The following TMEM108 variants were observed in gnomAD, a reference collection of about 807,000 sequenced individuals.
TMEM108 encodes the protein transmembrane protein 108, also known as cancer/testis antigen 124.
A neutral mutation model predicts 35.1 loss-of-function variants in TMEM108; 12 were observed. That is an observed-to-expected ratio of 0.34 (90% CI 0.22 to 0.55). The LOEUF (loss-of-function observed/expected upper bound fraction) is 0.55. Among genes scored for constraint, TMEM108 ranks in the 20% least tolerant of loss-of-function variants. The pLI, the probability that TMEM108 is intolerant of heterozygous loss-of-function variation, is 0.89. For synonymous variants in TMEM108, 287 were observed against 308.6 expected, an observed-to-expected ratio of 0.93 and a Z score of 0.73; for missense variants, 680 against 753.3, an observed-to-expected ratio of 0.90 and a Z score of 1.14.
At chr3:133,273,812 A>T (rs999036473) in intron 3 of TMEM108, among the ~76,000 whole-genome samples, 2 of 152,164 alleles carry the variant, frequency 1.3e-5, no homozygotes, top group African/African-American at 4.8e-5. Context: ...TGTTGAAGAG[A>T]ATAGAGGAGA....
chr3:133,199,230 G>C (rs138354938), intron 2 of TMEM108, among the ~76,000 whole-genome samples: 2,284 of 152,210 alleles, frequency 0.015, 76 homozygotes, highest in African/African-American at 0.051. Context: ...CAATGGGTTC[G>C]AACTTCCTCC....
At chr3:133,289,793 A>C (rs1947037006) in intron 3 of TMEM108, among the ~76,000 whole-genome samples, 2 of 152,170 alleles carry the variant, frequency 1.3e-5, no homozygotes, top group African/African-American at 4.8e-5. Flanking sequence ...TTTTGGACCT[A>C]ACCAAGGGCC....
intron 2 of TMEM108, among the ~76,000 whole-genome samples, chr3:133,177,520 A>G (rs1176259126): frequency 1.3e-5 from 2 of 152,224 alleles, no homozygotes; most frequent in African/African-American, 4.8e-5. Context: ...ACATACACAA[A>G]TCAATAAACA....
chr3:133,313,855 A>AC (rs1559901670), intron 3 of TMEM108, among the ~76,000 whole-genome samples: 1 of 152,084 alleles, frequency 6.6e-6, no homozygotes. Context: ...AGTAATTGCT[A>AC]ACCCCTGTGA....
chr3:133,047,288 C>G (rs561782865), intron 2 of TMEM108, among the ~76,000 whole-genome samples: 13 of 152,216 alleles, frequency 8.5e-5, no homozygotes, highest in African/African-American at 3.1e-4. Context: ...CCTCTATATC[C>G]TGTATATCCT....
chr3:133,235,162 A>C (rs950593651), intron 3 of TMEM108, among the ~76,000 whole-genome samples: 1 of 152,218 alleles, frequency 6.6e-6, no homozygotes, highest in African/African-American at 2.4e-5. Context: ...AATGTCGTGA[A>C]AATGGCCATA....
At chr3:133,253,833 G>T (rs1946506231) in intron 3 of TMEM108, among the ~76,000 whole-genome samples, 1 of 152,136 alleles carries the variant, frequency 6.6e-6, no homozygotes, top group Admixed American at 6.5e-5. Context: ...TGGGCATATT[G>T]CACTGTTGTA....
intron 2 of TMEM108, among the ~76,000 whole-genome samples, chr3:133,171,386 T>G (rs1292197202): frequency 6.6e-6 from 1 of 152,216 alleles, no homozygotes; most frequent in Non-Finnish European, 1.5e-5. Flanking sequence ...AATATGCATG[T>G]GTCTTTAAGA....
At chr3:133,108,395 T>C (rs888203528) in intron 2 of TMEM108, among the ~76,000 whole-genome samples, 3 of 152,182 alleles carry the variant, frequency 2.0e-5, no homozygotes, top group African/African-American at 4.8e-5. Flanking sequence ...TTTCATGTGT[T>C]TTTTGGCTGC....
intron 2 of TMEM108, among the ~76,000 whole-genome samples, chr3:133,204,011 G>T (rs879932557): frequency 2.0e-5 from 3 of 152,004 alleles, no homozygotes; most frequent in East Asian, 1.9e-4. Context: ...TTTCTTCCTG[G>T]TTTAGTTTTG....
At chr3:133,287,670 T>A (rs1389975445) in intron 3 of TMEM108, among the ~76,000 whole-genome samples, 1 of 152,194 alleles carries the variant, frequency 6.6e-6, no homozygotes, top group Non-Finnish European at 1.5e-5. Flanking sequence ...TTCTAAGATA[T>A]ACTTATCACC....
intron 3 of TMEM108, among the ~76,000 whole-genome samples, chr3:133,291,064 C>G (rs1947061526): frequency 6.6e-6 from 1 of 152,082 alleles, no homozygotes; most frequent in Non-Finnish European, 1.5e-5. Context: ...AAGATGGGAG[C>G]AAAGGGCCAT....
At chr3:133,135,103 CA>C (rs1180115867) in intron 2 of TMEM108, among the ~76,000 whole-genome samples, 1 of 151,560 alleles carries the variant, frequency 6.6e-6, no homozygotes, top group Non-Finnish European at 1.5e-5. Flanking sequence ...ATCTGTTTAT[CA>C]ATATCTTCTC....
chr3:133,262,550 T>C (rs1251895202), intron 3 of TMEM108, among the ~76,000 whole-genome samples: 1 of 152,246 alleles, frequency 6.6e-6, no homozygotes, highest in Non-Finnish European at 1.5e-5. Context: ...AGTGAGCTTT[T>C]ATCTTCACTG....
intron 2 of TMEM108, among the ~76,000 whole-genome samples, chr3:133,079,352 G>A (rs1447921262): frequency 1.3e-5 from 2 of 152,148 alleles, no homozygotes; most frequent in Non-Finnish European, 2.9e-5. Context: ...TTTTGCAGGT[G>A]CCTTAGTCCG....
intron 2 of TMEM108, among the ~76,000 whole-genome samples, chr3:133,218,161 T>A (rs1945936586): frequency 6.6e-6 from 1 of 151,978 alleles, no homozygotes; most frequent in South Asian, 2.1e-4. Context: ...TAAGTATTTT[T>A]TTATAACTAT....
intron 3 of TMEM108, among the ~76,000 whole-genome samples, chr3:133,371,209 A>G (rs763589330): frequency 2.6e-5 from 4 of 151,668 alleles, no homozygotes; most frequent in Non-Finnish European, 5.9e-5. Context: ...GCTGCTGCCT[A>G]ACAAACCACT....
chr3:133,039,722 C>A (rs190473942), intron 1 of TMEM108, among the ~76,000 whole-genome samples: 1 of 152,306 alleles, frequency 6.6e-6, no homozygotes, highest in East Asian at 1.9e-4. Context: ...GTGTTCTGGA[C>A]TTTCCACGTA....
At chr3:133,272,908 T>C (rs1946792883) in intron 3 of TMEM108, among the ~76,000 whole-genome samples, 1 of 152,128 alleles carries the variant, frequency 6.6e-6, no homozygotes, top group African/African-American at 2.4e-5. Flanking sequence ...GCTTAACATA[T>C]ATTGAGTGGA....
Sources: allele counts gnomAD v4.1 joint callset (sites outside exome capture counted in the v4.1 genomes callset), GRCh38; gene constraint gnomAD v4.1.1; transcripts MANE v1.5; gene names NCBI Gene and HGNC (gene_info 2026-07-23, HGNC 2026-07-21).